The following ABRACL variants were observed in gnomAD, a reference collection of about 807,000 sequenced individuals.
ABRACL encodes the protein costars family protein ABRACL.
ABRACL carries 4 observed loss-of-function variants against 7.0 expected under a neutral mutation model. That is an observed-to-expected ratio of 0.57 (90% CI 0.28 to 1.30). The LOEUF (loss-of-function observed/expected upper bound fraction) is 1.30. Among genes scored for constraint, ABRACL ranks in the 50% most tolerant of loss-of-function variants. The probability of loss-of-function intolerance (pLI) is 0.10; values close to 1 mark genes in which losing one functional copy is unlikely to be tolerated. For missense variants in ABRACL, 104 were observed against 97.3 expected (o/e 1.07, Z -0.29); for synonymous variants, 30 against 36.0 (o/e 0.83, Z 0.60).
intron 1 of ABRACL, among the ~76,000 whole-genome samples, chr6:139,033,550 T>C (rs1786111255): frequency 6.6e-6 from 1 of 152,156 alleles, no homozygotes; most frequent in African/African-American, 2.4e-5. Flanking sequence ...CTGCCTCAAG[T>C]GTGCCGTGTG....
rs1028083495 is a variant in ABRACL, at chr6:139,034,197, G to A, written c.37G>A (p.Glu13Lys). 33 of 1,614,088 alleles carry A rather than the reference G, an allele frequency of 2.0e-5. No homozygotes were observed. Among genetic ancestry groups the A allele is most frequent in the African/African-American group, 4.0e-5 (3 of 74,928 alleles). Residue 13 changes from glutamate to lysine, a missense_variant, in exon 2 of 3, where the codon GAA becomes AAA. By Grantham distance (56) the Glu-to-Lys change is moderately conservative (BLOSUM62 1). Transcript: ENST00000367660. ...TCACGAGGTTAACCTCTTAGTGGAG[G>A]AAATTCATCGTTTGGGTTCAAAAAG... ...VDHEVNLLVEEIHRLGSKNAD... is the reference protein window; with the variant it reads ...VDHEVNLLVEKIHRLGSKNAD...
Position 139,042,724 on chromosome 6 carries a change from G to A in ABRACL, c.67G>A (p.Asp23Asn), listed in dbSNP as rs1399030946. ...AATGTATTTTCTCAAACTAGATGCT[G>A]ATGGAAAGTTAAGCGTGAAATTTGG... ...EIHRLGSKNA[D>N]GKLSVKFGVL... The change falls in exon 3 of 3, where the codon GAT becomes AAT. Residue 23 changes from aspartate to asparagine, a missense_variant. Physicochemically the swap from Asp to Asn is conservative, Grantham distance 23. Coordinates refer to ENST00000367660, the MANE Select transcript of ABRACL (RefSeq NM_021243.3). The A allele has an allele frequency of 2.5e-6, 4 of 1,610,362 alleles. No homozygotes were observed. The African/African-American group carries it at 4.0e-5, about 16-fold the overall frequency.
chr6:139,031,521 A>G (rs1490682792), intron 1 of ABRACL, among the ~76,000 whole-genome samples: 1 of 152,236 alleles, frequency 6.6e-6, no homozygotes, highest in Non-Finnish European at 1.5e-5. Flanking sequence ...GCAAAAAGGA[A>G]AGATACCGGT....
Position 139,042,922 on chromosome 6 carries a change from A to G in ABRACL, c.*19A>G. 1 of 1,549,076 alleles carries G rather than the reference A, an allele frequency of 6.5e-7. No homozygotes were observed. On this transcript the variant is annotated 3_prime_UTR_variant, in exon 3 of 3. Coordinates refer to ENST00000367660, the MANE Select transcript of ABRACL (RefSeq NM_021243.3). ...AGATTAATGTGGTTTACATATCTTT[A>G]TGTACTGCCATTTTTTGTTTCTGGT...
intron 2 of ABRACL, chr6:139,034,509 G>T: frequency 1.6e-6 from 2 of 1,217,320 alleles, no homozygotes; most frequent in Non-Finnish European, 2.2e-6. Flanking sequence ...ATTGAAATTT[G>T]GTAATTGAAT....
At chr6:139,035,280 T>C (rs910587330) in intron 2 of ABRACL, among the ~76,000 whole-genome samples, 1 of 152,200 alleles carries the variant, frequency 6.6e-6, no homozygotes, top group African/African-American at 2.4e-5. Context: ...GTTCTGTAGG[T>C]CAGGAGTTTG....
At chr6:139,037,381 C>T (rs1786177090) in intron 2 of ABRACL, among the ~76,000 whole-genome samples, 1 of 152,124 alleles carries the variant, frequency 6.6e-6, no homozygotes, top group Admixed American at 6.5e-5. Flanking sequence ...GTGCCTCAGC[C>T]TCCCTGGTAG....
In ABRACL at chr6:139,042,952, TG is replaced by T. The variant is rs1786275313; in HGVS notation, c.*51del. The stretch of plus-strand genomic sequence containing the variant: ...CTGCCATTTTTTGTTTCTGGTAAAC[TG>T]GAATATAAAGTGAAAGAACAAACAT... On this transcript the variant is annotated 3_prime_UTR_variant, in exon 3 of 3. Coordinates refer to ENST00000367660, the MANE Select transcript of ABRACL (RefSeq NM_021243.3). 8 of 1,456,236 alleles carry T rather than the reference TG, an allele frequency of 5.5e-6. No individual in the cohort carries two copies. Among genetic ancestry groups the T allele is most frequent in the Non-Finnish European group, 7.4e-6 (8 of 1,078,070 alleles). The allele number at this position is 1,456,236 out of a possible 1,614,324, so 90.2% of individuals were successfully genotyped here.
intron 2 of ABRACL, among the ~76,000 whole-genome samples, chr6:139,041,512 T>C (rs1464279633): frequency 2.5e-5 from 1 of 40,172 alleles, no homozygotes; most frequent in Non-Finnish European, 4.1e-5. Flanking sequence ...TGTGTGTGTG[T>C]GTATATATAT....
chr6:139,032,903 G>A (rs1387142154), intron 1 of ABRACL, among the ~76,000 whole-genome samples: 1 of 152,224 alleles, frequency 6.6e-6, no homozygotes, highest in African/African-American at 2.4e-5. Flanking sequence ...TGATAGAGCA[G>A]TGAGCATTAT....
chr6:139,034,043 G>A lies in ABRACL; in HGVS notation c.-6-112G>A, dbSNP rs527602689. The A allele has an allele frequency of 8.1e-6, 11 of 1,364,136 alleles. No individual in the cohort carries two copies. The African/African-American group carries it at 1.6e-4, about 20-fold the overall frequency. 84.5% of individuals were successfully genotyped at this position (1,364,136 alleles called of 1,614,324 possible). ...CAAATATTTTTAGGAAAAGGAACAT[G>A]GTAAATTAATAGTGACAGACGCGAC... On this transcript the variant is annotated intron_variant, in intron 1 of 2. Transcript: ENST00000367660.
At chr6:139,041,531 A>ATTT (rs1554211161) in intron 2 of ABRACL, among the ~76,000 whole-genome samples, 5,005 of 125,970 alleles carry the variant, frequency 0.04, 278 homozygotes, top group African/African-American at 0.11. Flanking sequence ...ATATATATAT[A>ATTT]TTTTTTTTTA....
At chr6:139,042,665 T>G in intron 2 of ABRACL, 54 bp from the exon 3 acceptor site, 1 of 1,513,980 alleles carries the variant, frequency 6.6e-7, no homozygotes, top group South Asian at 1.2e-5. Flanking sequence ...TCTTCCATAC[T>G]TGAGGGTATG....
intron 1 of ABRACL, 44 bp from the exon 2 acceptor site, chr6:139,034,111 G>T (rs1367890486): frequency 6.2e-7 from 1 of 1,612,122 alleles, no homozygotes; most frequent in East Asian, 2.2e-5. Flanking sequence ...GTGCTTAATG[G>T]AATGTAATGG....
At chr6:139,042,065 A>T (rs1407694420) in intron 2 of ABRACL, among the ~76,000 whole-genome samples, 1 of 152,172 alleles carries the variant, frequency 6.6e-6, no homozygotes, top group African/African-American at 2.4e-5. Context: ...TCGCCCAAGG[A>T]TAGGGAGGTG....
chr6:139,029,166 T>C (rs2114292051), intron 1 of ABRACL, among the ~76,000 whole-genome samples: 1 of 152,226 alleles, frequency 6.6e-6, no homozygotes, highest in Non-Finnish European at 1.5e-5. Flanking sequence ...GAACGATTTT[T>C]ACCGCGGTGC....
intron 2 of ABRACL, among the ~76,000 whole-genome samples, chr6:139,037,529 G>A (rs528721605): frequency 1.3e-5 from 2 of 152,180 alleles, no homozygotes; most frequent in Non-Finnish European, 2.9e-5. Flanking sequence ...CCAAAGTGTC[G>A]GGATTACAGG....
chr6:139,033,963 G>C (rs1223025573), intron 1 of ABRACL, among the ~76,000 whole-genome samples, 192 bp from the exon 2 acceptor site: 1 of 126,986 alleles, frequency 7.9e-6, no homozygotes, highest in Admixed American at 8.7e-5. Flanking sequence ...GAGCTGAGGG[G>C]GCGGTTACAA....
chr6:139,029,353 G>T (rs1158137613), intron 1 of ABRACL, among the ~76,000 whole-genome samples: 1 of 152,136 alleles, frequency 6.6e-6, no homozygotes. Context: ...GGGGTGCAGA[G>T]TCGTGAGGGG....
Sources: allele counts gnomAD v4.1 joint callset (sites outside exome capture counted in the v4.1 genomes callset), GRCh38; gene constraint gnomAD v4.1.1; transcripts MANE v1.5; gene names NCBI Gene and HGNC (gene_info 2026-07-23, HGNC 2026-07-21).